Variants in OR8K3 observed in about 807,000 individuals in gnomAD.
OR8K3 encodes the protein olfactory receptor 8K3.
For missense variants in OR8K3, 448 were observed against 367.4 expected (o/e 1.22, Z -1.79); for synonymous variants, 167 against 138.8 (o/e 1.20, Z -1.43).
chr11:56,319,995 G>A lies in OR8K3; in HGVS notation c.*750G>A, dbSNP rs1590839933. 1 of 152,144 alleles carries A rather than the reference G, an allele frequency of 6.6e-6. No individual in the cohort carries two copies. Among genetic ancestry groups the A allele is most frequent in the South Asian group, 2.1e-4 (1 of 4,820 alleles). The allele number at this position is 152,144 out of a possible 1,614,324, so 9.4% of individuals were successfully genotyped here. On this transcript the variant is annotated 3_prime_UTR_variant, in exon 3 of 3. Coordinates refer to ENST00000641662, the MANE Select transcript of OR8K3 (RefSeq NM_001005202.2). ...AGAAGACATCCATAGAAATTCTCAG[G>A]TTTATTCTTTCTCTCTAGTTGTTCT...
intron 2 of OR8K3, among the ~76,000 whole-genome samples, chr11:56,317,350 C>T (rs1046982567): frequency 5.3e-5 from 8 of 152,064 alleles, no homozygotes; most frequent in African/African-American, 1.9e-4. Context: ...TTAGAACAAA[C>T]AGTTTTAGAT....
At chr11:56,317,399 A>G (rs1045789917) in intron 2 of OR8K3, among the ~76,000 whole-genome samples, 1 of 152,156 alleles carries the variant, frequency 6.6e-6, no homozygotes, top group African/African-American at 2.4e-5. Flanking sequence ...TTCAAATATG[A>G]CATAAATTAA....
chr11:56,316,815 C>T (rs1854449847), intron 2 of OR8K3, among the ~76,000 whole-genome samples: 1 of 152,028 alleles, frequency 6.6e-6, no homozygotes, highest in Middle Eastern at 3.4e-3. Flanking sequence ...TTCAGATTTC[C>T]TCAAACTCCC....
Position 56,318,748 on chromosome 11 carries a change from C to A in OR8K3, c.442C>A (p.Pro148Thr), listed in dbSNP as rs1396981354. Residue 148 changes from proline (P) to threonine (T), a missense_variant, in exon 3 of 3, where the codon CCT becomes ACT. Pro to Thr is a conservative substitution (Grantham distance 38). Transcript: ENST00000641662. ...GGTATGTCAGGTGCTGGTAGCAATC[C>A]CTTACCTCTATTGCACATTCATTTC... is the stretch of plus-strand genomic sequence containing the variant. ...RRVCQVLVAI[P>T]YLYCTFISLL... is the part of the protein sequence containing the mutation. The A allele has an allele frequency of 3.1e-6, 5 of 1,613,502 alleles. No homozygotes were observed. In the African/African-American group the frequency reaches 4.0e-5, roughly 13 times the overall value.
In OR8K3 at chr11:56,319,360, T is replaced by C; in HGVS notation, c.*115T>C. 1.6e-6 allele frequency: 1 copy of C among 622,540 alleles called. No individual in the cohort carries two copies. The highest frequency in any genetic ancestry group is 2.8e-6 in the Non-Finnish European group (1 of 354,698). The allele number at this position is 622,540 out of a possible 1,614,324, so 38.6% of individuals were successfully genotyped here. On this transcript the variant is annotated 3_prime_UTR_variant, in exon 3 of 3. Transcript: ENST00000641662. Reference sequence around the variant, plus strand: ...TCAACATATATTTACATATGTCTCATACATGATAGGCTCTTCTAATTGCTA... The same window carrying C: ...TCAACATATATTTACATATGTCTCACACATGATAGGCTCTTCTAATTGCTA...
Position 56,318,887 on chromosome 11 carries a change from A to T in OR8K3, c.581A>T (p.Glu194Val). 14 of 1,613,786 alleles carry T rather than the reference A, an allele frequency of 8.7e-6. No homozygotes were observed. The highest frequency in any genetic ancestry group is 1.2e-5 in the Non-Finnish European group (14 of 1,179,658). The change falls in exon 3 of 3, where the codon GAA becomes GTA. Residue 194 changes from glutamate to valine, a missense_variant. By Grantham distance (121) the Glu-to-Val change is moderately radical (BLOSUM62 -2). Coordinates refer to ENST00000641662, the MANE Select transcript of OR8K3 (RefSeq NM_001005202.2). ...LLPLLCSNTH[E>V]IELIILIFAA... ...CCTTTGCTTTGTTCAAATACACATGAAATTGAATTGATAATTCTGATCTTT... is the reference window on the plus strand; with the variant it reads ...CCTTTGCTTTGTTCAAATACACATGTAATTGAATTGATAATTCTGATCTTT...
intron 2 of OR8K3, among the ~76,000 whole-genome samples, chr11:56,316,778 T>C (rs995229726): frequency 3.3e-5 from 5 of 151,972 alleles, no homozygotes; most frequent in East Asian, 1.9e-4. Flanking sequence ...AAAACCAATA[T>C]GAAGGACCAC....
Position 56,318,346 on chromosome 11 carries a change from C to G in OR8K3, c.40C>G (p.Leu14Val), listed in dbSNP as rs1287323073. The change falls in exon 3 of 3, where the codon CTT (leucine) becomes GTT (valine). Residue 14 changes from leucine (L) to valine (V), a missense_variant. Leu to Val is a conservative substitution (Grantham distance 32). Coordinates refer to ENST00000641662, the MANE Select transcript of OR8K3 (RefSeq NM_001005202.2). The stretch of plus-strand genomic sequence containing the variant: ...TCTAACAACGGTGAATGAATTCATT[C>G]TTACGGGAATCACAGATATCGCTGA... Reference protein sequence around the residue: ...HNLTTVNEFILTGITDIAELQ... With the variant: ...HNLTTVNEFIVTGITDIAELQ... 1 of 1,613,730 alleles carries G rather than the reference C, an allele frequency of 6.2e-7. No homozygotes were observed. Among genetic ancestry groups the G allele is most frequent in the African/African-American group, 1.3e-5 (1 of 75,018 alleles).
rs1267639821 is a variant in OR8K3 at position 56,318,322 on chromosome 11, C to T, written c.16C>T (p.Leu6=). The change falls in exon 3 of 3, where the codon CTA becomes TTA. Residue 6 remains leucine, a synonymous_variant. Coordinates refer to ENST00000641662, the MANE Select transcript of OR8K3 (RefSeq NM_001005202.2). The part of the protein sequence containing the change: MEQHN[L]TTVNEFILTG... ...ATGAACCTGGATGGAACAACACAAT[C>T]TAACAACGGTGAATGAATTCATTCT... 5 of 1,612,626 alleles carry T rather than the reference C, an allele frequency of 3.1e-6. No homozygotes were observed. In the African/African-American group the frequency reaches 4.0e-5, roughly 13 times the overall value.
intron 2 of OR8K3, among the ~76,000 whole-genome samples, chr11:56,316,732 T>C (rs978616861): frequency 2.7e-4 from 41 of 151,958 alleles, no homozygotes; most frequent in African/African-American, 9.4e-4. Flanking sequence ...AGTATCCTTT[T>C]ACCCAAAAAG....
chr11:56,317,151 T>A (rs1265002363), intron 2 of OR8K3, among the ~76,000 whole-genome samples: 1 of 151,972 alleles, frequency 6.6e-6, no homozygotes, highest in East Asian at 1.9e-4. Flanking sequence ...GAATAATGTA[T>A]GTGTACACAT....
intron 2 of OR8K3, among the ~76,000 whole-genome samples, chr11:56,317,294 A>G (rs1289280229): frequency 6.6e-6 from 1 of 152,172 alleles, no homozygotes; most frequent in Non-Finnish European, 1.5e-5. Flanking sequence ...CTTAATCTTC[A>G]GTCATCCTTC....
intron 2 of OR8K3, among the ~76,000 whole-genome samples, chr11:56,316,296 C>G (rs1854442450): frequency 6.6e-6 from 1 of 151,786 alleles, no homozygotes; most frequent in African/African-American, 2.4e-5. Context: ...AATATGTAAT[C>G]ATCTTTATAT....
chr11:56,318,417 C>T lies in OR8K3; in HGVS notation c.111C>T (p.Ile37=). The T allele has an allele frequency of 6.2e-7, 1 of 1,613,908 alleles. No individual in the cohort carries two copies. The highest frequency in any genetic ancestry group is 8.5e-7 in the Non-Finnish European group (1 of 1,179,822). The change falls in exon 3 of 3, where the codon ATC becomes ATT. Residue 37 remains isoleucine (I), a synonymous_variant. Transcript: ENST00000641662. ...CATTGTTCCTCATGATCTATGTGATCTCAGTGATGGGCAATTTGGGCATGA... is the reference window on the plus strand; with the variant it reads ...CATTGTTCCTCATGATCTATGTGATTTCAGTGATGGGCAATTTGGGCATGA... ...LFALFLMIYV[I]SVMGNLGMIV...
In OR8K3 at chr11:56,318,350, C is replaced by G. The variant is rs149952066; in HGVS notation, c.44C>G (p.Thr15Arg). 6.8e-6 allele frequency: 11 copies of G among 1,613,650 alleles called. No homozygotes were observed. Among genetic ancestry groups the G allele is most frequent in the Admixed American group, 1.7e-5 (1 of 59,976 alleles). Residue 15 changes from threonine to arginine, a missense_variant, in exon 3 of 3, where the codon ACG becomes AGG. Coordinates refer to ENST00000641662, the MANE Select transcript of OR8K3 (RefSeq NM_001005202.2). Reference protein sequence around the residue: ...NLTTVNEFILTGITDIAELQA... With the variant: ...NLTTVNEFILRGITDIAELQA... Reference sequence around the variant, plus strand: ...ACAACGGTGAATGAATTCATTCTTACGGGAATCACAGATATCGCTGAGCTG... The same window carrying G: ...ACAACGGTGAATGAATTCATTCTTAGGGGAATCACAGATATCGCTGAGCTG...
Position 56,320,577 on chromosome 11 carries a change from A to G in OR8K3, c.*1332A>G, listed in dbSNP as rs1353610886. 6.6e-6 allele frequency: 1 copy of G among 152,218 alleles called. No individual in the cohort carries two copies. The highest frequency in any genetic ancestry group is 2.4e-5 in the African/African-American group (1 of 41,448). 9.4% of individuals were successfully genotyped at this position (152,218 alleles called of 1,614,324 possible). The stretch of plus-strand genomic sequence containing the variant: ...ATGTGCAGCCAAAGAAACACTAATG[A>G]ATATATCTCATTGGAATAAATTAAA... On this transcript the variant is annotated 3_prime_UTR_variant, in exon 3 of 3. Transcript: ENST00000641662.
At position 56,318,999 on chromosome 11, in the gene OR8K3, T is replaced by C. The variant is rs1056189335; in HGVS notation, c.693T>C (p.Ala231=). The change falls in exon 3 of 3, where the codon GCT becomes GCC. Residue 231 remains alanine, a synonymous_variant. Transcript: ENST00000641662. ...TAGCCATTCTCAGGATGAATTCTGC[T>C]GGCAGACAAAAGGCTTTTTCTACCT... The part of the protein sequence containing the change: ...ILVAILRMNS[A]GRQKAFSTCG... 6.2e-7 allele frequency: 1 copy of C among 1,614,184 alleles called. No individual in the cohort carries two copies. Among genetic ancestry groups the C allele is most frequent in the Non-Finnish European group, 8.5e-7 (1 of 1,179,996 alleles).
At position 56,318,774 on chromosome 11, in the gene OR8K3, T is replaced by C. The variant is rs1565108504; in HGVS notation, c.468T>C (p.Ser156=). Residue 156 remains serine (S), a synonymous_variant, in exon 3 of 3, where the codon TCT becomes TCC. Transcript: ENST00000641662. ...CTTACCTCTATTGCACATTCATTTCTCTTCTAGTCACCATAAAGATTTTTA... is the reference window on the plus strand; with the variant it reads ...CTTACCTCTATTGCACATTCATTTCCCTTCTAGTCACCATAAAGATTTTTA... The part of the protein sequence containing the change: ...AIPYLYCTFI[S]LLVTIKIFTL... 1 of 1,614,028 alleles carries C rather than the reference T, an allele frequency of 6.2e-7. No individual in the cohort carries two copies. Among genetic ancestry groups the C allele is most frequent in the Non-Finnish European group, 8.5e-7 (1 of 1,179,892 alleles).
Position 56,320,405 on chromosome 11 carries a change from G to T in OR8K3, c.*1160G>T, listed in dbSNP as rs1257594105. 2.0e-5 allele frequency: 3 copies of T among 152,092 alleles called. No individual in the cohort carries two copies. The highest frequency in any genetic ancestry group is 2.9e-5 in the Non-Finnish European group (2 of 68,008). The allele number at this position is 152,092 out of a possible 1,614,324, so 9.4% of individuals were successfully genotyped here. On this transcript the variant is annotated 3_prime_UTR_variant, in exon 3 of 3. Transcript: ENST00000641662. ...CTGTATGCAATGATATCGTTATCTT[G>T]CCTTTTAAACATGGTTGCTTTCCTT...
Sources: allele counts gnomAD v4.1 joint callset (sites outside exome capture counted in the v4.1 genomes callset), GRCh38; gene constraint gnomAD v4.1.1; transcripts MANE v1.5; gene names NCBI Gene and HGNC (gene_info 2026-07-23, HGNC 2026-07-21).